The following STXBP4 variants were observed in gnomAD, a reference collection of about 807,000 sequenced individuals.
STXBP4 encodes the protein syntaxin-binding protein 4.
STXBP4 carries 55 observed loss-of-function variants against 76.1 expected under a neutral mutation model. That is an observed-to-expected ratio of 0.72 (90% CI 0.58 to 0.91). STXBP4 has a LOEUF of 0.91. STXBP4 is among the 40% of genes least tolerant of loss of function. The pLI, the probability that STXBP4 is intolerant of heterozygous loss-of-function variation, is 0.00. For synonymous variants in STXBP4, 201 were observed against 220.2 expected (o/e 0.91, Z 0.77); for missense variants, 618 against 636.9 (o/e 0.97, Z 0.32).
At chr17:55,063,204 C>G (rs1297886575) in intron 12 of STXBP4, among the ~76,000 whole-genome samples, 1 of 152,178 alleles carries the variant, frequency 6.6e-6, no homozygotes, top group African/African-American at 2.4e-5. Flanking sequence ...TCTAAGCAAG[C>G]ATTGGCAAAC....
Position 54,999,773 on chromosome 17 carries a change from TC to T in STXBP4, c.431del (p.Pro144LeufsTer4). On this transcript the variant is annotated frameshift_variant, in exon 6 of 18. Transcript: ENST00000376352. LOFTEE classifies it high-confidence loss of function. ...ASTLSLFSSP[P>X]EILIPKTSST... ...CAACATTAAGTCTTTTTTCTTCTCCTCCTGAAATACTAATCCCAAAGACCTC... is the reference window on the plus strand; with the variant it reads ...CAACATTAAGTCTTTTTTCTTCTCCTCTGAAATACTAATCCCAAAGACCTC... 1 of 1,613,628 alleles carries T rather than the reference TC, an allele frequency of 6.2e-7. No homozygotes were observed. Among genetic ancestry groups the T allele is most frequent in the Non-Finnish European group, 8.5e-7 (1 of 1,179,760 alleles).
chr17:55,129,614 A>G (rs1196994799), intron 16 of STXBP4, among the ~76,000 whole-genome samples: 5 of 152,090 alleles, frequency 3.3e-5, no homozygotes, highest in South Asian at 4.2e-4. Context: ...GGGAGGGAGG[A>G]AGGAAGGAAT....
intron 4 of STXBP4, among the ~76,000 whole-genome samples, chr17:54,997,613 TA>T (rs1179872644): frequency 3.5e-4 from 51 of 146,270 alleles, no homozygotes; most frequent in African/African-American, 1.2e-3. Flanking sequence ...TATATATATA[TA>T]TTTTTTTTGA....
intron 10 of STXBP4, among the ~76,000 whole-genome samples, chr17:55,037,874 A>G (rs1353670213): frequency 6.6e-6 from 1 of 152,154 alleles, no homozygotes; most frequent in African/African-American, 2.4e-5. Flanking sequence ...AAAAATCACA[A>G]TTTTAGTCAT....
chr17:55,011,222 T>C (rs973257318), intron 8 of STXBP4, among the ~76,000 whole-genome samples: 12 of 152,054 alleles, frequency 7.9e-5, no homozygotes, highest in African/African-American at 2.7e-4. Context: ...ATAGACACTT[T>C]ATTTGCATTA....
intron 17 of STXBP4, among the ~76,000 whole-genome samples, chr17:55,148,360 G>T (rs191173317): frequency 3.3e-5 from 5 of 152,072 alleles, no homozygotes; most frequent in East Asian, 1.9e-4. Flanking sequence ...TTAAATTATC[G>T]TTTCTTAGGC....
At position 55,169,380 on chromosome 17, in the gene STXBP4, T is replaced by C. The variant is rs921362611; in HGVS notation, c.*9469T>C. On this transcript the variant is annotated 3_prime_UTR_variant, in exon 18 of 18. Coordinates refer to ENST00000376352, the MANE Select transcript of STXBP4 (RefSeq NM_178509.6). ...TATTGAATGGGGGTGGGGGTGGGGG[T>C]GGGTGTAAATTTCCAGGTGCTTCCA... is the stretch of plus-strand genomic sequence containing the variant. The C allele has an allele frequency of 8.1e-5, 8 of 99,322 alleles. No individual in the cohort carries two copies. The highest frequency in any genetic ancestry group is 3.1e-4 in the African/African-American group (8 of 25,772). 6.2% of individuals were successfully genotyped at this position (99,322 alleles called of 1,614,324 possible). A position where few individuals can be genotyped will look rare whatever the true frequency, so the allele number is the denominator to read the frequency against.
chr17:55,175,864 C>T (rs2080428213), downstream of STXBP4, among the ~76,000 whole-genome samples: 1 of 152,184 alleles, frequency 6.6e-6, no homozygotes, highest in Non-Finnish European at 1.5e-5. Flanking sequence ...TTTAGAGCTT[C>T]CCATTGCTAG....
chr17:55,035,998 T>C (rs2078595470), intron 10 of STXBP4, among the ~76,000 whole-genome samples: 1 of 152,082 alleles, frequency 6.6e-6, no homozygotes, highest in Non-Finnish European at 1.5e-5. Context: ...TCAAATAATT[T>C]ATCTTTTTTT....
At chr17:55,185,716 C>A in the STXBP4 span, among the ~76,000 whole-genome samples, 1 of 152,088 alleles carries the variant, frequency 6.6e-6, no homozygotes, top group African/African-American at 2.4e-5. Flanking sequence ...TCTGATAGGG[C>A]AAAGCACTTA....
At chr17:54,979,362 G>A (rs1444485502) in intron 1 of STXBP4, among the ~76,000 whole-genome samples, 2 of 152,074 alleles carry the variant, frequency 1.3e-5, no homozygotes, top group Non-Finnish European at 1.5e-5. Flanking sequence ...ATAAAATCAA[G>A]GAGTGCCCTA....
At chr17:55,144,004 T>TGC (rs200876987) in intron 17 of STXBP4, among the ~76,000 whole-genome samples, 2,472 of 98,746 alleles carry the variant, frequency 0.025, 82 homozygotes, top group African/African-American at 0.082. Context: ...CAAAGCCACC[T>TGC]GCACACACAC....
chr17:54,988,439 C>A (rs1182879922), intron 3 of STXBP4, among the ~76,000 whole-genome samples: 1 of 152,012 alleles, frequency 6.6e-6, no homozygotes, highest in Non-Finnish European at 1.5e-5. Flanking sequence ...CATTTCTAGG[C>A]TTTACTCGTT....
intron 7 of STXBP4, among the ~76,000 whole-genome samples, chr17:55,003,449 T>C (rs2077952211): frequency 6.6e-6 from 1 of 152,166 alleles, no homozygotes; most frequent in South Asian, 2.1e-4. Context: ...AAGATATTTC[T>C]GGGGAGTGGA....
At chr17:54,980,597 C>T (rs1325241506) in intron 1 of STXBP4, among the ~76,000 whole-genome samples, 2 of 152,226 alleles carry the variant, frequency 1.3e-5, no homozygotes, top group Admixed American at 1.3e-4. Flanking sequence ...TCCTTGGTTA[C>T]ACCCTATGTA....
intron 9 of STXBP4, among the ~76,000 whole-genome samples, chr17:55,032,572 T>TCTC (rs1351000796): frequency 1.3e-5 from 2 of 152,126 alleles, no homozygotes; most frequent in Non-Finnish European, 2.9e-5. Flanking sequence ...TTGTTGGAAA[T>TCTC]CTTTATAAGG....
chr17:55,000,986 C>T (rs1555565275), intron 7 of STXBP4, 103 bp downstream of exon 7: 2 of 764,138 alleles, frequency 2.6e-6, no homozygotes, highest in Non-Finnish European at 2.1e-6. Context: ...TGAATTATGT[C>T]TTTGTTCCTT....
chr17:55,035,980 G>A (rs1410391782), intron 10 of STXBP4, among the ~76,000 whole-genome samples: 2 of 151,922 alleles, frequency 1.3e-5, no homozygotes, highest in African/African-American at 4.8e-5. Flanking sequence ...ATTAACATAT[G>A]CTTTACCTCA....
chr17:55,015,726 G>T (rs1329199616), intron 8 of STXBP4, among the ~76,000 whole-genome samples: 1 of 151,564 alleles, frequency 6.6e-6, no homozygotes, highest in Non-Finnish European at 1.5e-5. Context: ...GGGTTGAAAG[G>T]GGGTCCTTAT....
Sources: gnomAD v4.1 joint callset for allele counts (sites outside exome capture counted in the v4.1 genomes callset) on GRCh38, gnomAD v4.1.1 for gene constraint, MANE v1.5 for transcripts, NCBI Gene and HGNC (gene_info 2026-07-23, HGNC 2026-07-21) for gene names.